Variants in STAT4 observed in about 807,000 individuals in gnomAD.
The protein encoded by STAT4 is signal transducer and activator of transcription 4.
STAT4 carries 42 observed loss-of-function variants against 110.5 expected under a neutral mutation model. The ratio of observed to expected loss-of-function variants is 0.38; its 90% CI spans 0.30 to 0.49. The LOEUF is 0.49. Among genes scored for constraint, STAT4 ranks in the 20% least tolerant of loss-of-function variants. The probability of loss-of-function intolerance (pLI) is 0.95; values close to 1 mark genes in which losing one functional copy is unlikely to be tolerated. For synonymous variants in STAT4, 284 were observed against 302.2 expected (o/e 0.94, Z 0.63); for missense variants, 632 against 887.9 (o/e 0.71, Z 3.66).
chr2:191,121,730 T>C (rs577973624), intron 3 of STAT4, among the ~76,000 whole-genome samples: 133 of 134,524 alleles, frequency 9.9e-4, no homozygotes, highest in African/African-American at 3.3e-3. Context: ...ATGAGAACAC[T>C]TGGACACAGG....
chr2:191,043,420 G>A lies in STAT4; in HGVS notation c.1252-2272C>T, dbSNP rs1645780470. Among the ~76,000 whole-genome samples the A allele has an allele frequency of 6.6e-6, 1 of 152,094 alleles. No homozygotes were observed. ...AAGAGAACAGAGAAAATGGAGTAGA[G>A]GAAATGTCAAAGACATAAACAAATT... On this transcript the variant is annotated intron_variant, in intron 14 of 23. Coordinates refer to ENST00000392320, the MANE Select transcript of STAT4 (RefSeq NM_003151.4). The surrounding 1 kb of genome is among the most constrained non-coding windows in gnomAD (Gnocchi z 4.8).
chr2:191,128,513 C>T (rs187083202), intron 3 of STAT4, among the ~76,000 whole-genome samples: 1 of 152,282 alleles, frequency 6.6e-6, no homozygotes, highest in Admixed American at 6.5e-5. Flanking sequence ...TTAAAAATCT[C>T]ACTTCGTGGG....
intron 3 of STAT4, among the ~76,000 whole-genome samples, chr2:191,089,471 A>C (rs1697734071): frequency 6.6e-6 from 1 of 152,236 alleles, no homozygotes; most frequent in Non-Finnish European, 1.5e-5. Context: ...GTGAAAAATA[A>C]TACAGCCATT....
intron 3 of STAT4, among the ~76,000 whole-genome samples, chr2:191,098,944 T>G (rs1203972845): frequency 6.6e-6 from 1 of 151,636 alleles, no homozygotes; most frequent in Non-Finnish European, 1.5e-5. Context: ...AGGAGAACAT[T>G]AGTAATTCAT....
At chr2:191,100,168 C>T (rs1574154920) in intron 3 of STAT4, among the ~76,000 whole-genome samples, 1 of 152,154 alleles carries the variant, frequency 6.6e-6, no homozygotes, top group Non-Finnish European at 1.5e-5. Context: ...TAAAACCATT[C>T]TCTGATGACT....
chr2:191,080,884 G>GATACATGTGCAGGTTTGTTACATAGGT (rs1697448966), intron 3 of STAT4, among the ~76,000 whole-genome samples: 2 of 152,002 alleles, frequency 1.3e-5, no homozygotes, highest in South Asian at 4.2e-4. Flanking sequence ...TAAGTTCTGG[G>GATACATGTGCAGGTTTGTTACATAGGT]ATACATGTGC....
chr2:191,126,506 G>C (rs4853544), intron 3 of STAT4, among the ~76,000 whole-genome samples: 92,667 of 152,122 alleles, frequency 0.61, 29,000 homozygotes, highest in South Asian at 0.78. Context: ...AGCTGACTGT[G>C]AACACCTTCA....
intron 1 of STAT4, among the ~76,000 whole-genome samples, chr2:191,149,186 T>C (rs1699530811): frequency 6.6e-6 from 1 of 152,188 alleles, no homozygotes; most frequent in Non-Finnish European, 1.5e-5. Context: ...TTTTACATGA[T>C]TAATCACCAT....
chr2:191,124,453 CAAAAAA>C (rs34438452), intron 3 of STAT4, among the ~76,000 whole-genome samples: 1 of 71,222 alleles, frequency 1.4e-5, no homozygotes, highest in Non-Finnish European at 2.6e-5. Context: ...GACGCCGTCT[CAAAAAA>C]AAAAAAAAAA....
rs1313504850 is a variant in STAT4 at position 191,058,662 on chromosome 2, A to G, written c.1094+48T>C. On this transcript the variant is annotated intron_variant, in intron 11 of 23. Coordinates refer to ENST00000392320, the MANE Select transcript of STAT4 (RefSeq NM_003151.4). The surrounding 1 kb of genome is among the most constrained non-coding windows in gnomAD (Gnocchi z 4.3). Reference sequence around the variant, plus strand: ...TAAAATAAAGGCCATTCATTTTTAAAAGTCTTACATTTGGAATTGTAATTC... The same window carrying G: ...TAAAATAAAGGCCATTCATTTTTAAGAGTCTTACATTTGGAATTGTAATTC... 1 of 1,149,532 alleles carries G rather than the reference A, an allele frequency of 8.7e-7. No individual in the cohort carries two copies. The highest frequency in any genetic ancestry group is 2.1e-5 in the Admixed American group (1 of 46,802). The allele number at this position is 1,149,532 out of a possible 1,614,324, so 71.2% of individuals were successfully genotyped here. A position where few individuals can be genotyped will look rare whatever the true frequency, so the allele number is the denominator to read the frequency against.
chr2:191,145,853 A>G (rs1337004259), intron 3 of STAT4, among the ~76,000 whole-genome samples: 1 of 152,166 alleles, frequency 6.6e-6, no homozygotes, highest in Admixed American at 6.5e-5. Context: ...GGTTTATTAC[A>G]TTAGAACTGT....
rs1025730805 is a variant in STAT4, at chr2:191,142,957, C to T, written c.273+3656G>A. Reference sequence around the variant, plus strand: ...AAATTATACAACACAAGGAGTGAATCTTAATGTAGTCTTGAAATGTAAGTT... The same window carrying T: ...AAATTATACAACACAAGGAGTGAATTTTAATGTAGTCTTGAAATGTAAGTT... On this transcript the variant is annotated intron_variant, in intron 3 of 23. Transcript: ENST00000392320. The surrounding 1 kb of genome is among the most constrained non-coding windows in gnomAD (Gnocchi z 4.1). Among the ~76,000 whole-genome samples, 1 of 152,046 alleles carries T rather than the reference C, an allele frequency of 6.6e-6. No individual in the cohort carries two copies. The highest frequency in any genetic ancestry group is 2.4e-5 in the African/African-American group (1 of 41,400).
rs1183128451 is a variant in STAT4, at chr2:191,099,368, T to C, written c.274-23043A>G. Among the ~76,000 whole-genome samples the C allele has an allele frequency of 6.6e-6, 1 of 152,050 alleles. No homozygotes were observed. Among genetic ancestry groups the C allele is most frequent in the Non-Finnish European group, 1.5e-5 (1 of 67,972 alleles). ...AGTCCATATCTAGGAATCCATCCAA[T>C]AAAAATAAAAGCACTGGCCCATAAT... On this transcript the variant is annotated intron_variant, in intron 3 of 23. Coordinates refer to ENST00000392320, the MANE Select transcript of STAT4 (RefSeq NM_003151.4). The surrounding 1 kb of genome is among the most constrained non-coding windows in gnomAD (Gnocchi z 4.1).
chr2:191,102,995 T>G (rs1698184156), intron 3 of STAT4, among the ~76,000 whole-genome samples: 1 of 152,170 alleles, frequency 6.6e-6, no homozygotes. Context: ...CTACTCCTGT[T>G]TCTTTCTTTC....
rs1696821181 is a variant in STAT4 at position 191,060,569 on chromosome 2, C to A, written c.1034+1160G>T. Among the ~76,000 whole-genome samples, 1 of 152,106 alleles carries A rather than the reference C, an allele frequency of 6.6e-6. No homozygotes were observed. ...AAGTAGCTGGGATTACAGGCATGAG[C>A]CAACATGCTCAGCTAATTTTTCTAT... On this transcript the variant is annotated intron_variant, in intron 10 of 23. Coordinates refer to ENST00000392320, the MANE Select transcript of STAT4 (RefSeq NM_003151.4). This position sits in a 1 kb window ranked among gnomAD's most constrained non-coding sequence, Gnocchi z 4.5.
At chr2:191,145,422 G>A (rs1460871820) in intron 3 of STAT4, among the ~76,000 whole-genome samples, 4 of 152,052 alleles carry the variant, frequency 2.6e-5, no homozygotes, top group African/African-American at 9.7e-5. Flanking sequence ...TGACTTGTGG[G>A]CCATGGCATG....
At chr2:191,151,027 C>A (rs1310318203), upstream of STAT4, 4 of 985,482 alleles carry the variant, frequency 4.1e-6, no homozygotes, top group African/African-American at 5.2e-5. This position sits in a 1 kb window ranked among gnomAD's most constrained non-coding sequence, Gnocchi z 4.7. Flanking sequence ...AGGAGAAAGC[C>A]GCTGACGCCA....
At chr2:191,123,059 T>C (rs542919407) in intron 3 of STAT4, among the ~76,000 whole-genome samples, 2 of 152,252 alleles carry the variant, frequency 1.3e-5, no homozygotes, top group South Asian at 4.1e-4. Context: ...AAATATGACA[T>C]AATATTTGAC....
chr2:191,146,368 A>G lies in STAT4; in HGVS notation c.273+245T>C, dbSNP rs1559088033. On this transcript the variant is annotated intron_variant, in intron 3 of 23. Coordinates refer to ENST00000392320, the MANE Select transcript of STAT4 (RefSeq NM_003151.4). This position sits in a 1 kb window ranked among gnomAD's most constrained non-coding sequence, Gnocchi z 4.5. ...GAATCATAGCTAGTAAACAAGATAC[A>G]TGCAAGTCCCACATGCAACACACTT... 1.3e-5 allele frequency among the ~76,000 whole-genome samples: 2 copies of G among 152,156 alleles called. No homozygotes were observed. The highest frequency in any genetic ancestry group is 6.5e-5 in the Admixed American group (1 of 15,268).
Sources: allele counts gnomAD v4.1 joint callset (sites outside exome capture counted in the v4.1 genomes callset), GRCh38; gene constraint gnomAD v4.1.1; non-coding constraint Gnocchi (gnomAD v3.1); transcripts MANE v1.5; gene names NCBI Gene and HGNC (gene_info 2026-07-23, HGNC 2026-07-21).